The following PRRC2B variants were observed in gnomAD, a reference collection of about 807,000 sequenced individuals.
The protein encoded by PRRC2B is proline rich coiled-coil 2B.
A neutral mutation model predicts 242.3 loss-of-function variants in PRRC2B; 68 were observed. The observed-to-expected ratio is 0.28, with a 90% CI of 0.23 to 0.34. PRRC2B has a LOEUF of 0.34. PRRC2B is among the 10% of genes least tolerant of loss of function. The pLI is 1.00. For synonymous variants in PRRC2B, 1,228 were observed against 1,173.6 expected (o/e 1.05, Z -0.95); for missense variants, 2,835 against 2,954.8 (o/e 0.96, Z 0.94).
chr9:131,421,279 T>G (rs1336071519), intron 1 of PRRC2B, among the ~76,000 whole-genome samples: 1 of 152,206 alleles, frequency 6.6e-6, no homozygotes, highest in Non-Finnish European at 1.5e-5. Flanking sequence ...AGTAAACGTT[T>G]GAGTATTTGA....
intron 26 of PRRC2B, chr9:131,486,493 T>C: frequency 1.0e-6 from 1 of 985,408 alleles, no homozygotes; most frequent in Non-Finnish European, 1.2e-6. Flanking sequence ...ATCCTTCTGA[T>C]GAAGAGAAGA....
chr9:131,463,544 A>G (rs570323503), intron 11 of PRRC2B, among the ~76,000 whole-genome samples: 17 of 152,002 alleles, frequency 1.1e-4, no homozygotes, highest in African/African-American at 3.9e-4. Flanking sequence ...CCTGCAGACC[A>G]GTAAGAAAGG....
intron 1 of PRRC2B, among the ~76,000 whole-genome samples, chr9:131,420,480 T>TCC (rs1837789934): frequency 5.4e-4 from 8 of 14,728 alleles, no homozygotes; most frequent in African/African-American, 1.2e-3. Flanking sequence ...TTTCTTTCTT[T>TCC]CTTTCTTTCT....
In PRRC2B at chr9:131,470,674, G is replaced by C. The variant is rs1588271030; in HGVS notation, c.1912-114G>C. ...CCATCCCTCCCCTCCTTGGTCTTCT[G>C]TTCTAGGTGGGCTTTCTGTGCTGCC... On this transcript the variant is annotated intron_variant, in intron 13 of 31. Transcript: ENST00000683519. 28 of 804,940 alleles carry C rather than the reference G, an allele frequency of 3.5e-5. No homozygotes were observed. The East Asian group carries it at 7.7e-4, about 22-fold the overall frequency. 49.9% of individuals were successfully genotyped at this position (804,940 alleles called of 1,614,324 possible). A position where few individuals can be genotyped will look rare whatever the true frequency, so the allele number is the denominator to read the frequency against.
At chr9:131,437,161 A>G (rs974896628) in intron 4 of PRRC2B, among the ~76,000 whole-genome samples, 3 of 152,186 alleles carry the variant, frequency 2.0e-5, no homozygotes, top group Non-Finnish European at 4.4e-5. Context: ...GAGCTCCTTT[A>G]CTGCGGTACT....
Position 131,478,492 on chromosome 9 carries a change from G to A in PRRC2B, c.4631G>A (p.Cys1544Tyr). The A allele has an allele frequency of 6.2e-7, 1 of 1,613,606 alleles. No homozygotes were observed. The highest frequency in any genetic ancestry group is 2.2e-5 in the East Asian group (1 of 44,850). The change falls in exon 18 of 32, where the codon TGC becomes TAC. Residue 1544 changes from cysteine to tyrosine, a missense_variant. Physicochemically the swap from Cys to Tyr is radical, Grantham distance 194. This residue lies in a region of PRRC2B where 1,536 missense variants were observed against 1,483.1 expected (regional missense o/e 1.04). Coordinates refer to ENST00000683519, the MANE Select transcript of PRRC2B (RefSeq NM_013318.4). ...GGTTCAGGTGCCATCATTGAAAATTGCGGGTCCAGCCCCGGGGAGGAGAGT... is the reference window on the plus strand; with the variant it reads ...GGTTCAGGTGCCATCATTGAAAATTACGGGTCCAGCCCCGGGGAGGAGAGT... ...LNYGSAIIEN[C>Y]GSSPGEESEV... is the part of the protein sequence containing the mutation.
chr9:131,382,633 C>T (rs1185017309), intron 1 of PRRC2B, among the ~76,000 whole-genome samples: 2 of 151,374 alleles, frequency 1.3e-5, no homozygotes, highest in Non-Finnish European at 2.9e-5. Flanking sequence ...TAGCTCCAGG[C>T]CCCCATTCCT....
At chr9:131,383,442 T>C (rs1019281763) in intron 1 of PRRC2B, among the ~76,000 whole-genome samples, 1 of 152,024 alleles carries the variant, frequency 6.6e-6, no homozygotes, top group Admixed American at 6.6e-5. Context: ...CCTCCTACCC[T>C]TTCTCGGGAA....
At chr9:131,405,725 G>A (rs186266783) in intron 1 of PRRC2B, among the ~76,000 whole-genome samples, 3 of 152,226 alleles carry the variant, frequency 2.0e-5, no homozygotes, top group South Asian at 2.1e-4. Context: ...CTCCTGGGGG[G>A]GTTATTGTTA....
upstream of PRRC2B, among the ~76,000 whole-genome samples, chr9:131,393,793 G>T (rs1426838094): frequency 6.6e-6 from 1 of 151,130 alleles, no homozygotes; most frequent in African/African-American, 2.4e-5. Context: ...CCCTCCTCCG[G>T]GTCTCCTCCC....
chr9:131,469,937 G>A (rs917304004), intron 13 of PRRC2B, among the ~76,000 whole-genome samples: 1 of 152,226 alleles, frequency 6.6e-6, no homozygotes, highest in African/African-American at 2.4e-5. Flanking sequence ...CAGCTGCTGT[G>A]AGTGCAACAA....
rs1564278457 is a variant in PRRC2B at position 131,420,453 on chromosome 9, T to TTTCTTTC, written c.-51-9639_-51-9638insCTTTCTT. The stretch of plus-strand genomic sequence containing the variant: ...TTTTCTTTTTTCTTTTTCTTTTTCT[T>TTTCTTTC]TTTCTTTCTTTCTTTCTTTCTTTCT... On this transcript the variant is annotated intron_variant, in intron 1 of 31. Coordinates refer to ENST00000683519, the MANE Select transcript of PRRC2B (RefSeq NM_013318.4). Among the ~76,000 whole-genome samples the TTTCTTTC allele has an allele frequency of 3.9e-3, 238 of 61,038 alleles. 37 individuals are homozygous for TTTCTTTC. Among genetic ancestry groups the TTTCTTTC allele is most frequent in the Middle Eastern group, 0.031 (3 of 98 alleles). 40.0% of individuals were successfully genotyped at this position (61,038 alleles called of 152,430 possible).
In PRRC2B at chr9:131,474,697, G is replaced by T. The variant is rs1943637425; in HGVS notation, c.2568G>T (p.Glu856Asp). ...AAAACCTCAGGTGTTCCCCATTGGA[G>T]CCTGACTTTGTCCCAGATGAGAAAA... ...HTQNLRCSPL[E>D]PDFVPDEKKP... The change falls in exon 16 of 32, where the codon GAG (glutamate) becomes GAT (aspartate). Residue 856 changes from glutamate (E) to aspartate (D), a missense_variant. Glu to Asp is a conservative substitution (Grantham distance 45, BLOSUM62 2). This residue lies in a region of PRRC2B where 1,536 missense variants were observed against 1,483.1 expected (regional missense o/e 1.04). Transcript: ENST00000683519. The T allele has an allele frequency of 1.2e-6, 2 of 1,612,828 alleles. No individual in the cohort carries two copies. The highest frequency in any genetic ancestry group is 4.5e-5 in the East Asian group (2 of 44,862).
chr9:131,486,581 G>T, intron 26 of PRRC2B: 2 of 907,306 alleles, frequency 2.2e-6, no homozygotes, highest in Non-Finnish European at 2.5e-6. Flanking sequence ...ATTTATGCAG[G>T]ACTGGCATAC....
Position 131,486,189 on chromosome 9 carries a change from G to A in PRRC2B, c.5856+7G>A, listed in dbSNP as rs368835141. 48 of 1,599,354 alleles carry A rather than the reference G, an allele frequency of 3.0e-5. No homozygotes were observed. In the African/African-American group the frequency reaches 6.3e-4, roughly 21 times the overall value. On this transcript the variant is annotated splice_region_variant and intron_variant, in intron 26 of 31. Transcript: ENST00000683519. Reference sequence around the variant, plus strand: ...GCAGCAGAGTTACCAACAGGTGACAGCAGCTAGCCAGGTGGCCTGGCTGGG... The same window carrying A: ...GCAGCAGAGTTACCAACAGGTGACAACAGCTAGCCAGGTGGCCTGGCTGGG...
At chr9:131,438,262 A>G (rs1838438916) in intron 4 of PRRC2B, among the ~76,000 whole-genome samples, 1 of 152,148 alleles carries the variant, frequency 6.6e-6, no homozygotes, top group African/African-American at 2.4e-5. Context: ...GAGACTCGAA[A>G]GGGCACTGGA....
At position 131,476,172 on chromosome 9, in the gene PRRC2B, G is replaced by T. The variant is rs767834903; in HGVS notation, c.4043G>T (p.Gly1348Val). Residue 1348 changes from glycine to valine, a missense_variant, in exon 16 of 32, where the codon GGG (glycine) becomes GTG (valine). By Grantham distance (109) the Gly-to-Val change is moderately radical (BLOSUM62 -3). This residue lies in a region of PRRC2B where 1,536 missense variants were observed against 1,483.1 expected (regional missense o/e 1.04). Coordinates refer to ENST00000683519, the MANE Select transcript of PRRC2B (RefSeq NM_013318.4). ...QWPGRPKLCS[G>V]DKSGTVGRRS... Reference sequence around the variant, plus strand: ...CCAGGCAGGCCCAAACTGTGTTCTGGGGACAAGAGTGGCACTGTGGGCCGC... The same window carrying T: ...CCAGGCAGGCCCAAACTGTGTTCTGTGGACAAGAGTGGCACTGTGGGCCGC... 2.5e-6 allele frequency: 4 copies of T among 1,613,462 alleles called. No individual in the cohort carries two copies. Among genetic ancestry groups the T allele is most frequent in the Non-Finnish European group, 3.4e-6 (4 of 1,179,864 alleles).
chr9:131,375,963 C>A (rs561151293), intron 1 of PRRC2B, among the ~76,000 whole-genome samples: 35 of 145,556 alleles, frequency 2.4e-4, no homozygotes, highest in African/African-American at 9.0e-4. Context: ...GCAGGAGAAT[C>A]ACTTGAACCC....
chr9:131,396,079 C>G (rs1160645601), intron 1 of PRRC2B, among the ~76,000 whole-genome samples: 2 of 152,152 alleles, frequency 1.3e-5, no homozygotes, highest in African/African-American at 2.4e-5. Flanking sequence ...AGGCTCAGAT[C>G]TTGCATCTGT....
Sources: gnomAD v4.1 joint callset for allele counts (sites outside exome capture counted in the v4.1 genomes callset) on GRCh38, gnomAD v4.1.1 for gene constraint, gnomAD v4.1.1 regional missense constraint, MANE v1.5 for transcripts, NCBI Gene and HGNC (gene_info 2026-07-23, HGNC 2026-07-21) for gene names.